The following CIRSR variants were observed in gnomAD, a reference collection of about 807,000 sequenced individuals.
CIRSR encodes the protein CBF1 (RBPJ) interacting corepressor 1.
chr2:174,389,926 T>C, the CIRSR span, among the ~76,000 whole-genome samples: 2 of 152,224 alleles, frequency 1.3e-5, no homozygotes, highest in African/African-American at 4.8e-5. Context: ...AACCTCTGCC[T>C]AGATTTCAGA....
At chr2:174,358,719 C>T in the CIRSR span, among the ~76,000 whole-genome samples, 1 of 152,002 alleles carries the variant, frequency 6.6e-6, no homozygotes, top group Admixed American at 6.6e-5. Flanking sequence ...ATTATTATTA[C>T]TATTATTTTT....
At chr2:174,376,712 G>A in the CIRSR span, among the ~76,000 whole-genome samples, 2 of 150,824 alleles carry the variant, frequency 1.3e-5, no homozygotes, top group African/African-American at 2.4e-5. Context: ...GCAGGAGAAC[G>A]GCATGAACCT....
chr2:174,371,708 T>C, the CIRSR span, among the ~76,000 whole-genome samples: 30 of 152,372 alleles, frequency 2.0e-4, no homozygotes, highest in Non-Finnish European at 4.4e-5. Context: ...TAACAGCACC[T>C]TGCAGTTTCC....
the CIRSR span, among the ~76,000 whole-genome samples, chr2:174,363,126 T>C: frequency 2.0e-5 from 3 of 152,106 alleles, no homozygotes; most frequent in Non-Finnish European, 4.4e-5. Flanking sequence ...CAAGCCTACA[T>C]GGGAAAATAA....
chr2:174,356,526 A>AAAG, the CIRSR span, among the ~76,000 whole-genome samples: 7 of 133,290 alleles, frequency 5.3e-5, no homozygotes, highest in African/African-American at 1.9e-4. Context: ...AAAGAAAGAA[A>AAAG]GAAGAAAGGA....
the CIRSR span, among the ~76,000 whole-genome samples, chr2:174,357,428 G>T: frequency 1.3e-5 from 2 of 152,108 alleles, no homozygotes; most frequent in African/African-American, 2.4e-5. Flanking sequence ...GAAAAAGGAG[G>T]CCAAGACTAC....
At chr2:174,382,510 G>A in the CIRSR span, among the ~76,000 whole-genome samples, 496 of 152,086 alleles carry the variant, frequency 3.3e-3, no homozygotes, top group African/African-American at 0.011. Flanking sequence ...GTAGTGCTGC[G>A]TGCCTGTAAT....
At chr2:174,355,083 C>G in the CIRSR span, among the ~76,000 whole-genome samples, 2 of 151,892 alleles carry the variant, frequency 1.3e-5, no homozygotes, top group African/African-American at 4.8e-5. Flanking sequence ...CAGGTTTAAT[C>G]AAGATATATT....
the CIRSR span, among the ~76,000 whole-genome samples, chr2:174,356,844 T>G: frequency 6.6e-6 from 1 of 152,190 alleles, no homozygotes; most frequent in Non-Finnish European, 1.5e-5. Context: ...TACGGAAAAT[T>G]GCAAACCTAC....
At chr2:174,373,141 G>A in the CIRSR span, among the ~76,000 whole-genome samples, 9 of 152,264 alleles carry the variant, frequency 5.9e-5, no homozygotes, top group African/African-American at 2.2e-4. Context: ...GAAAGTTACT[G>A]ATTTTTTAAA....
At chr2:174,378,933 A>G in the CIRSR span, 3 of 1,609,902 alleles carry the variant, frequency 1.9e-6, no homozygotes, top group Non-Finnish European at 2.5e-6. Flanking sequence ...CTGAGCCATC[A>G]GTGGGAACCG....
chr2:174,382,217 C>T, the CIRSR span, among the ~76,000 whole-genome samples: 1 of 152,004 alleles, frequency 6.6e-6, no homozygotes, highest in African/African-American at 2.4e-5. Context: ...AAAGAAAAGG[C>T]AAAGGAATCA....
chr2:174,351,838 C>A, the CIRSR span: 1 of 617,748 alleles, frequency 1.6e-6, no homozygotes, highest in Non-Finnish European at 2.7e-6. Context: ...GCTAAATCAA[C>A]TCAATAATCT....
the CIRSR span, among the ~76,000 whole-genome samples, chr2:174,379,322 G>A: frequency 6.6e-6 from 1 of 152,144 alleles, no homozygotes; most frequent in Admixed American, 6.6e-5. Context: ...GAATTAGGGC[G>A]TTATGTGAAG....
the CIRSR span, chr2:174,358,339 A>G: frequency 6.6e-6 from 1 of 152,438 alleles, no homozygotes; most frequent in African/African-American, 2.4e-5. Context: ...TCCTGGGTTC[A>G]AGCGATTCTC....
the CIRSR span, among the ~76,000 whole-genome samples, chr2:174,392,411 TATG>T: frequency 1.3e-5 from 2 of 152,234 alleles, no homozygotes; most frequent in African/African-American, 2.4e-5. Context: ...TGGGTGTTTG[TATG>T]ATATGTAAAT....
chr2:174,356,273 T>C, the CIRSR span, among the ~76,000 whole-genome samples: 2 of 151,664 alleles, frequency 1.3e-5, no homozygotes, highest in Admixed American at 6.6e-5. Flanking sequence ...CAAGACCAGC[T>C]TGGGCAACAT....
chr2:174,394,409 AG>A, the CIRSR span, among the ~76,000 whole-genome samples: 2 of 152,326 alleles, frequency 1.3e-5, no homozygotes, highest in South Asian at 4.1e-4. Flanking sequence ...TCCCTCCCAC[AG>A]TTGCAACCAC....
At chr2:174,368,339 CA>C in the CIRSR span, among the ~76,000 whole-genome samples, 1 of 152,112 alleles carries the variant, frequency 6.6e-6, no homozygotes, top group Non-Finnish European at 1.5e-5. Context: ...CACACCTTAA[CA>C]AAGGTAAAAG....
Sources: allele counts gnomAD v4.1 joint callset (sites outside exome capture counted in the v4.1 genomes callset), GRCh38; gene constraint gnomAD v4.1.1; transcripts MANE v1.5; gene names NCBI Gene and HGNC (gene_info 2026-07-23, HGNC 2026-07-21).